Variants in CCDC50 observed in about 807,000 individuals in gnomAD.
CCDC50 encodes coiled-coil domain containing 50, also known as coiled-coil domain-containing protein 50.
In CCDC50, 54 loss-of-function variants were observed where a neutral mutation model predicts 70.2. The ratio of observed to expected loss-of-function variants is 0.77; its 90% CI spans 0.62 to 0.96. The LOEUF (loss-of-function observed/expected upper bound fraction) is 0.96. Among genes scored for constraint, CCDC50 ranks in the 50% least tolerant of loss-of-function variants. The pLI, the probability that CCDC50 is intolerant of heterozygous loss-of-function variation, is 0.00. For synonymous variants in CCDC50, 216 were observed against 198.8 expected, an observed-to-expected ratio of 1.09 and a Z score of -0.73; for missense variants, 558 against 578.7, an observed-to-expected ratio of 0.96 and a Z score of 0.37.
At chr3:191,349,276 A>G (rs1712026474) in intron 1 of CCDC50, among the ~76,000 whole-genome samples, 2 of 142,690 alleles carry the variant, frequency 1.4e-5, no homozygotes, top group African/African-American at 5.0e-5. Flanking sequence ...CTTTTAATAA[A>G]GAGAAGAAAC....
chr3:191,362,361 G>A (rs754804338), intron 4 of CCDC50, among the ~76,000 whole-genome samples: 26 of 152,028 alleles, frequency 1.7e-4, no homozygotes, highest in Non-Finnish European at 3.7e-4. Context: ...CTGTGCTCAA[G>A]CTGTCTTCCT....
At chr3:191,331,408 A>C (rs1452949973) in intron 1 of CCDC50, among the ~76,000 whole-genome samples, 1 of 152,230 alleles carries the variant, frequency 6.6e-6, no homozygotes, top group Non-Finnish European at 1.5e-5. Flanking sequence ...GGAGTTCCAC[A>C]AACACCTTCC....
At chr3:191,386,396 TG>T (rs1317471943) in intron 10 of CCDC50, among the ~76,000 whole-genome samples, 16 of 152,096 alleles carry the variant, frequency 1.1e-4, no homozygotes, top group African/African-American at 3.9e-4. Flanking sequence ...AGCTAATTTT[TG>T]TATACTTAGT....
At chr3:191,391,641 G>A (rs368972600) in intron 11 of CCDC50, 100 bp from the exon 12 acceptor site, 9 of 995,892 alleles carry the variant, frequency 9.0e-6, no homozygotes, top group Non-Finnish European at 1.1e-5. Flanking sequence ...TATTAGAAAT[G>A]TATAGAAATA....
chr3:191,376,175 A>T (rs559832784), intron 6 of CCDC50, among the ~76,000 whole-genome samples: 1 of 152,280 alleles, frequency 6.6e-6, no homozygotes, highest in African/African-American at 2.4e-5. Context: ...ATGTATTATC[A>T]TCTCTGGAGT....
chr3:191,373,332 A>G (rs1488238892), intron 5 of CCDC50, among the ~76,000 whole-genome samples: 3 of 152,132 alleles, frequency 2.0e-5, no homozygotes, highest in African/African-American at 7.2e-5. Flanking sequence ...CAGCTCTGTA[A>G]AAATGTAGTA....
chr3:191,338,932 A>C (rs559949807), intron 1 of CCDC50, among the ~76,000 whole-genome samples: 1 of 152,296 alleles, frequency 6.6e-6, no homozygotes, highest in East Asian at 1.9e-4. Context: ...TGCTGTTACT[A>C]GAGTATTCAG....
rs1713293206 is a variant in CCDC50, at chr3:191,380,843, C to G, written c.1153C>G (p.Leu385Val). Residue 385 changes from leucine to valine, a missense_variant, in exon 9 of 12, where the codon CTA becomes GTA. By Grantham distance (32) the Leu-to-Val change is conservative (BLOSUM62 1). Coordinates refer to ENST00000392455, the MANE Select transcript of CCDC50 (RefSeq NM_178335.3). ...TTTTGTTTAGGAAATCGCTCGACTTCTAATGGCTGAAGAAAAGAAAGCTTA... is the reference window on the plus strand; with the variant it reads ...TTTTGTTTAGGAAATCGCTCGACTTGTAATGGCTGAAGAAAAGAAAGCTTA... ...VAQDEEIARL[L>V]MAEEKKAYKK... is the part of the protein sequence containing the mutation. The G allele has an allele frequency of 1.2e-6, 2 of 1,612,660 alleles. No individual in the cohort carries two copies. The highest frequency in any genetic ancestry group is 1.7e-6 in the Non-Finnish European group (2 of 1,179,186).
intron 1 of CCDC50, among the ~76,000 whole-genome samples, chr3:191,342,156 C>G (rs1711753417): frequency 1.3e-5 from 2 of 152,154 alleles, no homozygotes; most frequent in Non-Finnish European, 2.9e-5. Context: ...TTTTCTGTTC[C>G]TAACTTTTGA....
chr3:191,363,374 C>A (rs1361844313), intron 4 of CCDC50, among the ~76,000 whole-genome samples: 1 of 152,184 alleles, frequency 6.6e-6, no homozygotes, highest in African/African-American at 2.4e-5. Flanking sequence ...TTTGGAGTTA[C>A]ACTCACCTGG....
chr3:191,336,200 C>T (rs902166334), intron 1 of CCDC50, among the ~76,000 whole-genome samples: 5 of 149,656 alleles, frequency 3.3e-5, no homozygotes, highest in Admixed American at 3.3e-4. Context: ...AATGGACTTT[C>T]TGGGTTATAC....
chr3:191,390,623 G>A (rs965586341), intron 11 of CCDC50, among the ~76,000 whole-genome samples: 1 of 152,110 alleles, frequency 6.6e-6, no homozygotes, highest in Non-Finnish European at 1.5e-5. Flanking sequence ...CATGGCTCTG[G>A]TGGGAGTGTC....
Position 191,375,304 on chromosome 3 carries a change from G to C in CCDC50, c.691G>C (p.Glu231Gln), listed in dbSNP as rs780087761. 6.2e-7 allele frequency: 1 copy of C among 1,613,766 alleles called. No individual in the cohort carries two copies. Among genetic ancestry groups the C allele is most frequent in the East Asian group, 2.2e-5 (1 of 44,836 alleles). Residue 231 changes from glutamate (E) to glutamine (Q), a missense_variant, in exon 6 of 12, where the codon GAG becomes CAG. Transcript: ENST00000392455. ...GCATGAAAGGAAACGGTCCACTCAG[G>C]AGAGGCCTCGGAGACCTCTGCTTCC... ...EQHERKRSTQ[E>Q]RPRRPLLPTI...
At chr3:191,349,966 A>ACCCCCCCC (rs11454979) in intron 1 of CCDC50, among the ~76,000 whole-genome samples, 62 of 105,680 alleles carry the variant, frequency 5.9e-4, no homozygotes, top group Non-Finnish European at 9.5e-4. Flanking sequence ...ATTTAATAAT[A>ACCCCCCCC]CCCCCCCCCT....
intron 3 of CCDC50, 49 bp from the exon 4 acceptor site, chr3:191,361,020 T>TA (rs1364495840): frequency 8.1e-7 from 1 of 1,235,546 alleles, no homozygotes. Flanking sequence ...TTTTAGGAAA[T>TA]ACATTATTTT....
intron 5 of CCDC50, among the ~76,000 whole-genome samples, chr3:191,371,224 G>T (rs889868225): frequency 6.6e-6 from 1 of 151,940 alleles, no homozygotes; most frequent in Non-Finnish European, 1.5e-5. Flanking sequence ...CCTCAGTTTC[G>T]CTTCTCTGGT....
intron 4 of CCDC50, among the ~76,000 whole-genome samples, chr3:191,366,601 T>C (rs931207565): frequency 6.6e-6 from 1 of 152,166 alleles, no homozygotes; most frequent in Non-Finnish European, 1.5e-5. Context: ...ATTAATTACC[T>C]GAGTTTTTTT....
At chr3:191,356,965 A>G in intron 1 of CCDC50, 123 bp from the exon 2 acceptor site, 3 of 723,674 alleles carry the variant, frequency 4.1e-6, no homozygotes, top group Non-Finnish European at 7.4e-6. Flanking sequence ...GAGAATTATA[A>G]AGTGTGTCAT....
chr3:191,329,763 C>G, intron 1 of CCDC50, 40 bp downstream of exon 1: 1 of 1,592,514 alleles, frequency 6.3e-7, no homozygotes, highest in Non-Finnish European at 8.5e-7. Context: ...ACCCTCCCCT[C>G]TCCCAGCCCG....
Sources: allele counts gnomAD v4.1 joint callset (sites outside exome capture counted in the v4.1 genomes callset), GRCh38; gene constraint gnomAD v4.1.1; transcripts MANE v1.5; gene names NCBI Gene and HGNC (gene_info 2026-07-23, HGNC 2026-07-21).